SOX5: variants seen among roughly 807,000 people sequenced by gnomAD.
The protein encoded by SOX5 is transcription factor SOX-5.
A neutral mutation model predicts 92.0 loss-of-function variants in SOX5; 9 were observed. That is an observed-to-expected ratio of 0.10 (90% CI 0.06 to 0.17). The LOEUF (loss-of-function observed/expected upper bound fraction) is 0.17, where lower values mean the gene tolerates loss of function less well. SOX5 is among the 10% of genes least tolerant of loss of function. SOX5 has a pLI of 1.00. For synonymous variants in SOX5, 344 were observed against 336.3 expected, an observed-to-expected ratio of 1.02 and a Z score of -0.25; for missense variants, 642 against 944.5, an observed-to-expected ratio of 0.68 and a Z score of 4.20.
chr12:23,753,468 G>A (rs973037636), intron 4 of SOX5, among the ~76,000 whole-genome samples: 15 of 151,716 alleles, frequency 9.9e-5, no homozygotes, highest in Middle Eastern at 3.4e-3. Context: ...TGTGAATACT[G>A]TAAAGGCTGG....
chr12:24,075,237 C>A (rs1310353833), intron 4 of SOX5, among the ~76,000 whole-genome samples: 2 of 146,172 alleles, frequency 1.4e-5, no homozygotes, highest in East Asian at 4.0e-4. Context: ...TCACTGCACT[C>A]CAGCCTGGGG....
chr12:24,035,382 G>A (rs1955922918), intron 4 of SOX5, among the ~76,000 whole-genome samples: 2 of 152,128 alleles, frequency 1.3e-5, no homozygotes, highest in Middle Eastern at 3.4e-3. Flanking sequence ...ACAATTAAGA[G>A]TCACAAATAA....
At chr12:24,143,407 TAGA>T (rs2138695152) in intron 4 of SOX5, among the ~76,000 whole-genome samples, 1 of 152,288 alleles carries the variant, frequency 6.6e-6, no homozygotes, top group East Asian at 1.9e-4. Flanking sequence ...ACACAGATGT[TAGA>T]ATTCACAGAA....
intron 3 of SOX5, among the ~76,000 whole-genome samples, chr12:23,793,571 C>A (rs1161351889): frequency 6.6e-6 from 1 of 152,154 alleles, no homozygotes; most frequent in South Asian, 2.1e-4. Flanking sequence ...AAGTGCCTTT[C>A]TGCAGAATTT....
chr12:24,193,805 C>T (rs991919404), intron 4 of SOX5, among the ~76,000 whole-genome samples: 28 of 152,138 alleles, frequency 1.8e-4, no homozygotes, highest in African/African-American at 5.8e-4. Flanking sequence ...ACACTGCCAA[C>T]GTTTTCAAGA....
chr12:24,265,191 A>G (rs1942828770), intron 3 of SOX5, among the ~76,000 whole-genome samples: 1 of 152,240 alleles, frequency 6.6e-6, no homozygotes, highest in Non-Finnish European at 1.5e-5. Flanking sequence ...TTAAAAAATT[A>G]GAAGAAATAA....
intron 1 of SOX5, among the ~76,000 whole-genome samples, chr12:24,430,274 T>C (rs1938029814): frequency 6.6e-6 from 1 of 152,166 alleles, no homozygotes; most frequent in South Asian, 2.1e-4. Context: ...TTCCAGAGAA[T>C]CTGTCACCAA....
rs80121023 is a variant in SOX5 at position 23,988,888 on chromosome 12, G to C, written c.-1-92864C>G. The stretch of plus-strand genomic sequence containing the variant: ...ACAGAGTCTCTTTTCCACCACTCCA[G>C]TGGGAGACATTCACATTAAGCTGAA... On this transcript the variant is annotated intron_variant, in intron 4 of 4. Transcript: ENST00000446891. Among the ~76,000 whole-genome samples the C allele has an allele frequency of 7.5e-4, 114 of 152,294 alleles. 1 individual carries two copies. The East Asian group carries it at 0.014, about 19-fold the overall frequency.
chr12:23,964,991 G>T lies in SOX5; in HGVS notation c.-1-68967C>A, dbSNP rs76284059. 1.4e-4 allele frequency among the ~76,000 whole-genome samples: 22 copies of T among 152,274 alleles called. No homozygotes were observed. In the East Asian group the frequency reaches 2.3e-3, roughly 16 times the overall value. On this transcript the variant is annotated intron_variant, in intron 4 of 4. Transcript: ENST00000446891. ...GGCAATGGTGAGCACCAGGGCTAGCGCACAGGGGCGCGTGGTCAGCTCCCA... is the reference window on the plus strand; with the variant it reads ...GGCAATGGTGAGCACCAGGGCTAGCTCACAGGGGCGCGTGGTCAGCTCCCA...
chr12:24,493,881 T>C (rs2138013229), intron 1 of SOX5, among the ~76,000 whole-genome samples: 1 of 151,838 alleles, frequency 6.6e-6, no homozygotes, highest in East Asian at 1.9e-4. Flanking sequence ...AAAAAAATAG[T>C]TTGTTTTTAA....
chr12:23,602,431 G>A (rs1335009580), intron 9 of SOX5, among the ~76,000 whole-genome samples: 2 of 152,080 alleles, frequency 1.3e-5, no homozygotes, highest in Non-Finnish European at 2.9e-5. Flanking sequence ...ATGAGTGAAT[G>A]GACAAATTAG....
In SOX5 at chr12:24,148,423, A is replaced by T. The variant is rs147806022; in HGVS notation, c.-2+64920T>A. ...GGCAGGAGAATCACTTGAACCCAGG[A>T]GGCGGAGGTTGAAGTGAGCTGAGAT... On this transcript the variant is annotated intron_variant, in intron 4 of 4. Coordinates refer to the SOX5 transcript ENST00000446891. Among the ~76,000 whole-genome samples the T allele has an allele frequency of 2.9e-3, 392 of 135,560 alleles. 1 individual carries two copies. Among genetic ancestry groups the T allele is most frequent in the African/African-American group, 0.01 (370 of 36,554 alleles). The allele number at this position is 135,560 out of a possible 152,430, so 88.9% of individuals were successfully genotyped here.
intron 2 of SOX5, among the ~76,000 whole-genome samples, chr12:23,875,273 A>C (rs1393273307): frequency 8.8e-6 from 1 of 113,106 alleles, no homozygotes; most frequent in Admixed American, 9.6e-5. Flanking sequence ...GAGAAATTGT[A>C]TATTAAACTT....
chr12:24,398,241 C>T (rs1342157533), intron 1 of SOX5, among the ~76,000 whole-genome samples: 3 of 152,280 alleles, frequency 2.0e-5, no homozygotes, highest in South Asian at 2.1e-4. Context: ...CAGTGGCTCA[C>T]GCCTGTAATC....
chr12:23,768,472 A>G (rs1016243431), intron 3 of SOX5, among the ~76,000 whole-genome samples: 1 of 152,188 alleles, frequency 6.6e-6, no homozygotes, highest in Non-Finnish European at 1.5e-5. Context: ...TGAATATGAA[A>G]GCTTCAAAAA....
intron 4 of SOX5, among the ~76,000 whole-genome samples, chr12:24,143,166 T>C (rs1565522333): frequency 6.6e-6 from 1 of 152,090 alleles, no homozygotes; most frequent in Non-Finnish European, 1.5e-5. Flanking sequence ...ACCTAACAAA[T>C]AATAAAAGTA....
chr12:24,155,066 T>C (rs143734030), intron 4 of SOX5, among the ~76,000 whole-genome samples: 28 of 152,238 alleles, frequency 1.8e-4, no homozygotes, highest in Non-Finnish European at 4.0e-4. Flanking sequence ...GGGTGTATCC[T>C]CCTTGAAAAC....
intron 13 of SOX5, among the ~76,000 whole-genome samples, chr12:23,540,218 TAA>T (rs1260423644): frequency 6.6e-6 from 1 of 151,564 alleles, no homozygotes; most frequent in Non-Finnish European, 1.5e-5. Context: ...CGTTTTAGAA[TAA>T]AAAAGCAGAG....
intron 8 of SOX5, among the ~76,000 whole-genome samples, chr12:23,633,878 G>T (rs898583647): frequency 6.6e-6 from 1 of 152,046 alleles, no homozygotes; most frequent in Non-Finnish European, 1.5e-5. Flanking sequence ...GAATTATAAT[G>T]ATTTTAAAAG....
Sources: allele counts gnomAD v4.1 joint callset (sites outside exome capture counted in the v4.1 genomes callset), GRCh38; gene constraint gnomAD v4.1.1; transcripts MANE v1.5; gene names NCBI Gene and HGNC (gene_info 2026-07-23, HGNC 2026-07-21).